The following C1orf105 variants were observed in gnomAD, a reference collection of about 807,000 sequenced individuals.
C1orf105 encodes chromosome 1 open reading frame 105.
A neutral mutation model predicts 20.8 loss-of-function variants in C1orf105; 17 were observed. The observed-to-expected ratio is 0.82, with a 90% CI of 0.56 to 1.23. C1orf105 has a LOEUF of 1.23. Ranked by LOEUF, C1orf105 falls within the 50% of genes most tolerant of loss-of-function variation. The pLI is 0.00. For missense variants in C1orf105, 219 were observed against 213.5 expected, an observed-to-expected ratio of 1.03 and a Z score of -0.16; for synonymous variants, 72 against 72.1, an observed-to-expected ratio of 1.00 and a Z score of 0.01.
At chr1:172,439,079 T>C (rs1250078188) in intron 1 of C1orf105, among the ~76,000 whole-genome samples, 1 of 152,230 alleles carries the variant, frequency 6.6e-6, no homozygotes, top group South Asian at 2.1e-4. Flanking sequence ...TTTGTTTTAT[T>C]GTAATATTAG....
chr1:172,461,364 A>ACTTAT (rs1649677971), intron 4 of C1orf105, among the ~76,000 whole-genome samples: 2 of 152,248 alleles, frequency 1.3e-5, no homozygotes, highest in Non-Finnish European at 2.9e-5. Context: ...ATCATGAGTC[A>ACTTAT]CTTGGTACAA....
rs1029750759 is a variant in C1orf105 at position 172,424,101 on chromosome 1, C to T, written c.21+3195C>T. 2.6e-5 allele frequency among the ~76,000 whole-genome samples: 4 copies of T among 152,210 alleles called. No individual in the cohort carries two copies. The South Asian group carries it at 8.3e-4, about 31-fold the overall frequency. ...CACTATAAACTCCTACTCCCATCCT[C>T]GGTTTTTAATCAAATCAAGTTTTAT... On this transcript the variant is annotated intron_variant, in intron 1 of 6. Coordinates refer to ENST00000367727, the MANE Select transcript of C1orf105 (RefSeq NM_139240.4).
intron 1 of C1orf105, among the ~76,000 whole-genome samples, chr1:172,421,582 G>A (rs562717688): frequency 2.4e-4 from 36 of 152,270 alleles, no homozygotes; most frequent in African/African-American, 7.0e-4. Context: ...TGGGGAGGAC[G>A]CAGAGCAAGA....
At chr1:172,450,527 G>A (rs1399508946) in intron 3 of C1orf105, among the ~76,000 whole-genome samples, 2 of 152,240 alleles carry the variant, frequency 1.3e-5, no homozygotes, top group Admixed American at 6.5e-5. Context: ...GGAGTAGAAT[G>A]TACTGTGGAC....
intron 2 of C1orf105, among the ~76,000 whole-genome samples, chr1:172,446,325 C>G (rs1444614291): frequency 6.6e-6 from 1 of 152,146 alleles, no homozygotes; most frequent in Non-Finnish European, 1.5e-5. Flanking sequence ...TAAGGACAGT[C>G]TAGCATATTT....
chr1:172,434,057 T>C (rs936147028), intron 1 of C1orf105, among the ~76,000 whole-genome samples: 5 of 152,162 alleles, frequency 3.3e-5, no homozygotes, highest in Non-Finnish European at 7.3e-5. Flanking sequence ...GAGCTAACTA[T>C]CCTAAATATA....
intron 1 of C1orf105, among the ~76,000 whole-genome samples, chr1:172,429,683 C>A (rs1295710986): frequency 6.6e-6 from 1 of 152,130 alleles, no homozygotes; most frequent in Non-Finnish European, 1.5e-5. Context: ...CACAATGTAA[C>A]CCAGCTGCCC....
intron 1 of C1orf105, chr1:172,431,138 T>C (rs1415560440): frequency 9.3e-6 from 5 of 539,032 alleles, no homozygotes; most frequent in South Asian, 2.7e-5. Context: ...AAATGAAGAG[T>C]TGCACATCTC....
intron 1 of C1orf105, chr1:172,443,992 G>A: frequency 2.0e-6 from 2 of 1,000,276 alleles, no homozygotes; most frequent in African/African-American, 1.7e-5. Flanking sequence ...ACCTACCCGA[G>A]AGTTCCTAGG....
rs116201521 is a variant in C1orf105, at chr1:172,457,963, G to C, written c.273+1474G>C. 3.8e-3 allele frequency among the ~76,000 whole-genome samples: 583 copies of C among 152,330 alleles called. 4 individuals are homozygous for C. Among genetic ancestry groups the C allele is most frequent in the African/African-American group, 0.013 (548 of 41,572 alleles). On this transcript the variant is annotated intron_variant, in intron 4 of 6. Transcript: ENST00000367727. ...TAATACCTCAAAGTCCTCCCAAGGG[G>C]AGGGACTGCAGGTCTGCTGTAGTCA...
chr1:172,439,201 CAT>C (rs1481554031), intron 1 of C1orf105, among the ~76,000 whole-genome samples: 7 of 152,080 alleles, frequency 4.6e-5, no homozygotes, highest in African/African-American at 1.7e-4. Context: ...TGTGTGTGTA[CAT>C]GTCTATATAT....
At chr1:172,454,999 C>A (rs1399621832) in intron 3 of C1orf105, among the ~76,000 whole-genome samples, 2 of 152,164 alleles carry the variant, frequency 1.3e-5, no homozygotes, top group African/African-American at 4.8e-5. Context: ...GTCGGTATGA[C>A]CCCCGTCACA....
chr1:172,448,977 C>T (rs1310358162), intron 3 of C1orf105, among the ~76,000 whole-genome samples: 1 of 152,200 alleles, frequency 6.6e-6, no homozygotes, highest in African/African-American at 2.4e-5. Flanking sequence ...CTCGGTGTCA[C>T]TGTGGAGCAA....
intron 1 of C1orf105, among the ~76,000 whole-genome samples, chr1:172,444,558 C>G (rs1236796836): frequency 6.6e-6 from 1 of 152,206 alleles, no homozygotes; most frequent in Non-Finnish European, 1.5e-5. Flanking sequence ...TCATCTCCCC[C>G]CTCAAAGAGG....
chr1:172,432,323 G>T (rs1308063157), intron 1 of C1orf105, among the ~76,000 whole-genome samples: 1 of 152,200 alleles, frequency 6.6e-6, no homozygotes, highest in Non-Finnish European at 1.5e-5. Context: ...GCCTAACTGG[G>T]AGACACCTCC....
chr1:172,442,735 GT>G (rs1647465422), intron 1 of C1orf105: 6 of 902,560 alleles, frequency 6.6e-6, no homozygotes, highest in Non-Finnish European at 1.1e-5. Context: ...TCCATGCTGT[GT>G]TGATGTTCTA....
intron 6 of C1orf105, among the ~76,000 whole-genome samples, chr1:172,467,763 C>T (rs1650165543): frequency 6.6e-6 from 1 of 152,160 alleles, no homozygotes; most frequent in Admixed American, 6.5e-5. Context: ...AGTTCCAATT[C>T]TCTTAGTCAC....
rs867182520 is a variant in C1orf105, at chr1:172,435,838, T to G, written c.22-9235T>G. On this transcript the variant is annotated intron_variant, in intron 1 of 6. Transcript: ENST00000367727. ...TTTCCAGATGACATGATTGTATATT[T>G]AGAAAACCCCATCATCTCAGCCCAA... Among the ~76,000 whole-genome samples, 10 of 152,350 alleles carry G rather than the reference T, an allele frequency of 6.6e-5. 1 individual carries two copies. The highest frequency in any genetic ancestry group is 3.4e-3 in the Middle Eastern group (1 of 294).
In C1orf105 at chr1:172,462,160, T is replaced by C. The variant is rs1649739858; in HGVS notation, c.274-18T>C. On this transcript the variant is annotated intron_variant, in intron 4 of 6. Transcript: ENST00000367727. ...ATGCAGTTACAGGCAACGTTCTAAA[T>C]GAGACTTTCTTCTTGAGGTACAACC... The C allele has an allele frequency of 1.3e-6, 2 of 1,590,446 alleles. No homozygotes were observed. Among genetic ancestry groups the C allele is most frequent in the East Asian group, 2.2e-5 (1 of 44,726 alleles).
Sources: allele counts gnomAD v4.1 joint callset (sites outside exome capture counted in the v4.1 genomes callset), GRCh38; gene constraint gnomAD v4.1.1; transcripts MANE v1.5; gene names NCBI Gene and HGNC (gene_info 2026-07-23, HGNC 2026-07-21).